Variants in DGKD observed in about 807,000 individuals in gnomAD.
DGKD encodes the protein diacylglycerol kinase delta.
DGKD carries 68 observed loss-of-function variants against 154.4 expected under a neutral mutation model. The observed-to-expected ratio is 0.44, with a 90% confidence interval of 0.36 to 0.54. The LOEUF is 0.54. DGKD is among the 20% of genes least tolerant of loss of function. The pLI, the probability that DGKD is intolerant of heterozygous loss-of-function variation, is 0.00. For synonymous variants in DGKD, 693 were observed against 638.0 expected (o/e 1.09, Z -1.30); for missense variants, 1,343 against 1,593.6 (o/e 0.84, Z 2.68).
chr2:233,409,549 C>G (rs1176301237), intron 3 of DGKD, among the ~76,000 whole-genome samples: 1 of 151,120 alleles, frequency 6.6e-6, no homozygotes, highest in Admixed American at 6.6e-5. Context: ...GTATCATTCT[C>G]TAGGAAATCA....
chr2:233,429,259 T>A (rs142585994), intron 3 of DGKD: 15 of 985,418 alleles, frequency 1.5e-5, no homozygotes, highest in African/African-American at 1.7e-5. Context: ...ATAAATATCC[T>A]GTTGCATGAC....
At chr2:233,435,670 G>GT in intron 5 of DGKD, 148 bp from the exon 6 acceptor site, 2 of 598,594 alleles carry the variant, frequency 3.3e-6, no homozygotes, top group African/African-American at 1.9e-5. Flanking sequence ...GCCTCTAAGC[G>GT]TATCACAGTA....
At chr2:233,450,828 C>G in intron 16 of DGKD, 94 bp from the exon 17 acceptor site, 1 of 1,501,830 alleles carries the variant, frequency 6.7e-7, no homozygotes, top group Non-Finnish European at 9.0e-7. Context: ...CCTCCCTCCT[C>G]AGCCCTCCCA....
At position 233,447,468 on chromosome 2, in the gene DGKD, G is replaced by A. The variant is rs1217675256; in HGVS notation, c.1420-619G>A. 1.2e-5 allele frequency: 12 copies of A among 984,954 alleles called. No individual in the cohort carries two copies. The Admixed American group carries it at 1.8e-4, about 15-fold the overall frequency. The allele number at this position is 984,954 out of a possible 1,614,324, so 61.0% of individuals were successfully genotyped here. ...GCAGGCCAGATGTGCCTGGGCCCACGGCCTTGCAAGCGAAGACTGGTTTGT... is the reference window on the plus strand; with the variant it reads ...GCAGGCCAGATGTGCCTGGGCCCACAGCCTTGCAAGCGAAGACTGGTTTGT... On this transcript the variant is annotated intron_variant, in intron 12 of 29. Transcript: ENST00000264057.
intron 17 of DGKD, among the ~76,000 whole-genome samples, 171 bp downstream of exon 17, chr2:233,451,221 AAAAAC>A (rs1559167212): frequency 1.8e-4 from 20 of 112,796 alleles, no homozygotes; most frequent in African/African-American, 8.9e-4. Flanking sequence ...TTTTTTTTTT[AAAAAC>A]AAAAAACAAA....
chr2:233,413,772 C>A (rs997449873), intron 3 of DGKD, among the ~76,000 whole-genome samples: 2 of 152,244 alleles, frequency 1.3e-5, no homozygotes, highest in African/African-American at 4.8e-5. Context: ...TGCCCTCCCA[C>A]GGTGGCTCTT....
At chr2:233,447,541 G>A (rs929520669) in intron 12 of DGKD, 5 of 985,198 alleles carry the variant, frequency 5.1e-6, no homozygotes, top group Non-Finnish European at 6.0e-6. Context: ...TTTTTTGAGA[G>A]GAAGAGTGTG....
At chr2:233,450,768 G>A (rs891345173) in intron 16 of DGKD, among the ~76,000 whole-genome samples, 154 bp from the exon 17 acceptor site, 4 of 151,938 alleles carry the variant, frequency 2.6e-5, no homozygotes, top group East Asian at 1.9e-4. Context: ...TCGGTCCTCC[G>A]CCCCCTTCTT....
chr2:233,455,293 A>C (rs774239428), intron 19 of DGKD, among the ~76,000 whole-genome samples: 26 of 152,178 alleles, frequency 1.7e-4, no homozygotes, highest in Non-Finnish European at 2.8e-4. Context: ...CCTGCCCACA[A>C]GGCCCTTGAG....
intron 1 of DGKD, among the ~76,000 whole-genome samples, chr2:233,387,168 G>T (rs1215292283): frequency 1.3e-5 from 2 of 152,212 alleles, no homozygotes; most frequent in African/African-American, 2.4e-5. Context: ...TTATCTTAGG[G>T]AGTTTTAAGT....
At chr2:233,425,646 C>T (rs939554480) in intron 3 of DGKD, among the ~76,000 whole-genome samples, 2 of 152,178 alleles carry the variant, frequency 1.3e-5, no homozygotes, top group East Asian at 1.9e-4. Flanking sequence ...CCATACTCTT[C>T]CTGCAATTGG....
chr2:233,413,140 G>A (rs1026993826), intron 3 of DGKD, among the ~76,000 whole-genome samples: 5 of 152,200 alleles, frequency 3.3e-5, no homozygotes, highest in Middle Eastern at 3.4e-3. Flanking sequence ...GCTCACGTCC[G>A]TAATCCCTGC....
chr2:233,388,139 G>T (rs920843137), intron 1 of DGKD, 118 bp from the exon 2 acceptor site: 9 of 1,543,378 alleles, frequency 5.8e-6, no homozygotes, highest in Middle Eastern at 1.8e-4. Flanking sequence ...GAGAGTGTGA[G>T]AAATATTTTC....
In DGKD at chr2:233,448,144, A is replaced by G. The variant is rs766514685; in HGVS notation, c.1477A>G (p.Thr493Ala). 1.9e-6 allele frequency: 3 copies of G among 1,611,912 alleles called. No homozygotes were observed. In the East Asian group the frequency reaches 6.7e-5, roughly 36 times the overall value. Reference sequence around the variant, plus strand: ...TGCAGCCCACCTTTCTAAAATCCTCACCTCGGACCAGCACTCGGTGGTCAT... The same window carrying G: ...TGCAGCCCACCTTTCTAAAATCCTCGCCTCGGACCAGCACTCGGTGGTCAT... The part of the protein sequence containing the change: ...SVAAHLSKIL[T>A]SDQHSVVISS... Residue 493 changes from threonine (T) to alanine (A), a missense_variant, in exon 13 of 30, where the codon ACC becomes GCC. Coordinates refer to ENST00000264057, the MANE Select transcript of DGKD (RefSeq NM_152879.3).
intron 3 of DGKD, among the ~76,000 whole-genome samples, chr2:233,412,093 T>G (rs2061843937): frequency 6.6e-6 from 1 of 152,214 alleles, no homozygotes; most frequent in African/African-American, 2.4e-5. Context: ...TTCTAAGTAC[T>G]TAGCATTTTC....
intron 2 of DGKD, 84 bp from the exon 3 acceptor site, chr2:233,390,319 T>C (rs1177592020): frequency 2.1e-6 from 2 of 935,508 alleles, no homozygotes; most frequent in Non-Finnish European, 3.3e-6. Context: ...TAGGGATCAT[T>C]GGGGTGTGGT....
intron 28 of DGKD, 107 bp downstream of exon 28, chr2:233,467,310 G>C (rs767451196): frequency 4.4e-5 from 36 of 812,026 alleles, no homozygotes; most frequent in Non-Finnish European, 7.1e-5. Flanking sequence ...CCTCCCTCTT[G>C]GTCCCTGTGC....
Position 233,449,107 on chromosome 2 carries a change from C to G in DGKD, c.1619C>G (p.Ser540Cys). The G allele has an allele frequency of 6.3e-7, 1 of 1,591,210 alleles. No homozygotes were observed. The highest frequency in any genetic ancestry group is 8.6e-7 in the Non-Finnish European group (1 of 1,162,038). Residue 540 changes from serine to cysteine, a missense_variant, in exon 15 of 30, where the codon TCT (serine) becomes TGT (cysteine). This residue lies in a region of DGKD where 409 missense variants were observed against 446.0 expected (regional missense o/e 0.92). Transcript: ENST00000264057. This position sits in a 1 kb window ranked among gnomAD's most constrained non-coding sequence, Gnocchi z 5.3. ...CCATTTCCTTTCCTTGTTCAGTGCT[C>G]TGTCCTGAAAGAGAAGCTGGATTCC... ...EESEVMAKKC[S>C]VLKEKLDSLL... is the part of the protein sequence containing the mutation.
intron 1 of DGKD, among the ~76,000 whole-genome samples, chr2:233,370,659 A>G (rs1196437682): frequency 1.4e-5 from 2 of 146,886 alleles, no homozygotes; most frequent in Non-Finnish European, 3.0e-5. Flanking sequence ...GTTGACAGAT[A>G]TTTGGGTTGC....
Sources: gnomAD v4.1 joint callset for allele counts (sites outside exome capture counted in the v4.1 genomes callset) on GRCh38, gnomAD v4.1.1 for gene constraint, gnomAD v4.1.1 regional missense constraint, Gnocchi (gnomAD v3.1) non-coding constraint, MANE v1.5 for transcripts, NCBI Gene and HGNC (gene_info 2026-07-23, HGNC 2026-07-21) for gene names.